Variants in GPR158 observed in about 807,000 individuals in gnomAD.
The protein encoded by GPR158 is G protein-coupled receptor 158.
A neutral mutation model predicts 78.2 loss-of-function variants in GPR158; 30 were observed. The ratio of observed to expected loss-of-function variants is 0.38; its 90% CI spans 0.29 to 0.52. The LOEUF (loss-of-function observed/expected upper bound fraction) is 0.52. Among genes scored for constraint, GPR158 ranks in the 20% least tolerant of loss-of-function variants. The probability of loss-of-function intolerance (pLI) is 0.83; values close to 1 mark genes in which losing one functional copy is unlikely to be tolerated. For synonymous variants in GPR158, 581 were observed against 591.1 expected, an observed-to-expected ratio of 0.98 and a Z score of 0.25; for missense variants, 1,463 against 1,523.5, an observed-to-expected ratio of 0.96 and a Z score of 0.66.
At chr10:25,484,770 A>G (rs1405023992) in intron 5 of GPR158, among the ~76,000 whole-genome samples, 1 of 152,154 alleles carries the variant, frequency 6.6e-6, no homozygotes, top group Admixed American at 6.6e-5. Context: ...CTCTTCCAGT[A>G]GTTACTGTTT....
chr10:25,380,179 A>G (rs989491773), intron 2 of GPR158, among the ~76,000 whole-genome samples: 1 of 152,064 alleles, frequency 6.6e-6, no homozygotes, highest in East Asian at 1.9e-4. Context: ...ACAACCCACT[A>G]TCCAGCTTAA....
At chr10:25,427,360 G>A (rs1000927035) in intron 4 of GPR158, among the ~76,000 whole-genome samples, 3 of 151,982 alleles carry the variant, frequency 2.0e-5, no homozygotes, top group Non-Finnish European at 4.4e-5. Flanking sequence ...CCATTTTCAA[G>A]TTTGACCTCT....
intron 4 of GPR158, among the ~76,000 whole-genome samples, chr10:25,459,588 C>T (rs185930839): frequency 6.8e-4 from 103 of 152,222 alleles, no homozygotes; most frequent in Non-Finnish European, 1.1e-3. Flanking sequence ...AGTACTTAGT[C>T]CCCATAGAAT....
rs1308506968 is a variant in GPR158 at position 25,600,459 on chromosome 10, T to C, written c.*1185T>C. On this transcript the variant is annotated 3_prime_UTR_variant, in exon 11 of 11. Coordinates refer to ENST00000376351, the MANE Select transcript of GPR158 (RefSeq NM_020752.3). ...AAAAAAAAACACAGGTAGCTCCTGA[T>C]AGCACTTTCAAGGGATTATTTTTTT... The C allele has an allele frequency of 6.6e-6, 1 of 152,306 alleles. No homozygotes were observed. Among genetic ancestry groups the C allele is most frequent in the Non-Finnish European group, 1.5e-5 (1 of 68,032 alleles). The allele number at this position is 152,306 out of a possible 1,614,324, so 9.4% of individuals were successfully genotyped here. A position where few individuals can be genotyped will look rare whatever the true frequency, so the allele number is the denominator to read the frequency against.
chr10:25,403,031 T>G (rs1834467399), intron 3 of GPR158, among the ~76,000 whole-genome samples: 1 of 151,810 alleles, frequency 6.6e-6, no homozygotes, highest in Non-Finnish European at 1.5e-5. Context: ...GTTTATAGTT[T>G]GTAGGCAAAT....
At chr10:25,478,606 A>C (rs1835621592) in intron 5 of GPR158, among the ~76,000 whole-genome samples, 1 of 151,980 alleles carries the variant, frequency 6.6e-6, no homozygotes, top group Non-Finnish European at 1.5e-5. Context: ...GATCTTTATC[A>C]GTTTAACAAA....
chr10:25,258,816 A>G (rs554178769), intron 2 of GPR158, among the ~76,000 whole-genome samples: 4 of 152,324 alleles, frequency 2.6e-5, no homozygotes, highest in Admixed American at 6.5e-5. Context: ...TTCGATTCCC[A>G]AAAAGTTAAC....
chr10:25,175,978 G>C lies in GPR158; in HGVS notation c.558G>C (p.Pro186=). 1.2e-6 allele frequency: 2 copies of C among 1,613,290 alleles called. No homozygotes were observed. The highest frequency in any genetic ancestry group is 2.2e-5 in the South Asian group (2 of 91,056). Residue 186 remains proline, a synonymous_variant, in exon 1 of 11, where the codon CCG becomes CCC. Transcript: ENST00000376351. This position sits in a 1 kb window ranked among gnomAD's most constrained non-coding sequence, Gnocchi z 6.4. The part of the protein sequence containing the change: ...ITFSTDSLSA[P]APQVFLQATR... ...TCAGCACCGATTCGCTGTCCGCACC[G>C]GCCCCACAGGTCTTCCTCCAGGCCA...
rs764738505 is a variant in GPR158, at chr10:25,598,438, G to C, written c.2812G>C (p.Asp938His). ...TAAATCCCAGAAACCTTTGCCAAAA[G>C]ATAAAGAGACAAACAGAAATCACTC... ...RTKSQKPLPK[D>H]KETNRNHSNS... Residue 938 changes from aspartate to histidine, a missense_variant, in exon 11 of 11, where the codon GAT (aspartate) becomes CAT (histidine). Physicochemically the swap from Asp to His is moderately conservative, Grantham distance 81. Transcript: ENST00000376351. 2.5e-6 allele frequency: 4 copies of C among 1,614,092 alleles called. No individual in the cohort carries two copies. The highest frequency in any genetic ancestry group is 3.4e-6 in the Non-Finnish European group (4 of 1,180,016).
Position 25,176,218 on chromosome 10 carries a change from T to C in GPR158, c.798T>C (p.Ser266=), listed in dbSNP as rs1852530398. The change falls in exon 1 of 11, where the codon TCT becomes TCC. Residue 266 remains serine, a synonymous_variant. Coordinates refer to ENST00000376351, the MANE Select transcript of GPR158 (RefSeq NM_020752.3). This position sits in a 1 kb window ranked among gnomAD's most constrained non-coding sequence, Gnocchi z 6.3. The stretch of plus-strand genomic sequence containing the variant: ...GGGACAAGAGCCACTTCAAGTGGTC[T>C]CCGCCTTATCTGGAGTGCGAGAACG... The part of the protein sequence containing the change: ...LGGDKSHFKW[S]PPYLECENGS... 6.3e-7 allele frequency: 1 copy of C among 1,597,614 alleles called. No individual in the cohort carries two copies.
intron 5 of GPR158, among the ~76,000 whole-genome samples, chr10:25,508,046 TC>T (rs1286638462): frequency 6.6e-6 from 1 of 152,230 alleles, no homozygotes; most frequent in East Asian, 1.9e-4. Context: ...CCACCTGAAT[TC>T]CCATATCAGT....
At chr10:25,426,107 A>G (rs1415925981) in intron 4 of GPR158, among the ~76,000 whole-genome samples, 2 of 152,152 alleles carry the variant, frequency 1.3e-5, no homozygotes, top group Non-Finnish European at 2.9e-5. Context: ...TTAGCAAGTC[A>G]TGGAATCTCT....
intron 2 of GPR158, among the ~76,000 whole-genome samples, chr10:25,383,320 C>T (rs1308506524): frequency 6.6e-6 from 1 of 152,136 alleles, no homozygotes; most frequent in Non-Finnish European, 1.5e-5. Context: ...TTGAATAAGG[C>T]TCAGTAATCA....
chr10:25,288,040 T>G (rs1201072988), intron 2 of GPR158, among the ~76,000 whole-genome samples: 1 of 150,512 alleles, frequency 6.6e-6, no homozygotes, highest in African/African-American at 2.5e-5. Flanking sequence ...TTTCCATTAC[T>G]GAAAGTTAGG....
intron 5 of GPR158, among the ~76,000 whole-genome samples, chr10:25,514,050 C>G (rs942863019): frequency 6.6e-6 from 1 of 152,006 alleles, no homozygotes; most frequent in African/African-American, 2.4e-5. Flanking sequence ...TTCTAAGGTA[C>G]GTTTAAATCC....
intron 2 of GPR158, among the ~76,000 whole-genome samples, chr10:25,395,688 T>A (rs1180614558): frequency 6.6e-6 from 1 of 152,204 alleles, no homozygotes; most frequent in Non-Finnish European, 1.5e-5. Flanking sequence ...TAAAGATGTG[T>A]GCAACTGCAG....
Position 25,201,841 on chromosome 10 carries a change from A to G in GPR158, c.903-19211A>G, listed in dbSNP as rs1247140903. Among the ~76,000 whole-genome samples the G allele has an allele frequency of 2.6e-5, 4 of 152,020 alleles. No homozygotes were observed. The South Asian group carries it at 8.3e-4, about 31-fold the overall frequency. On this transcript the variant is annotated intron_variant, in intron 1 of 10. Coordinates refer to ENST00000376351, the MANE Select transcript of GPR158 (RefSeq NM_020752.3). ...GAGAAAGCCTCCTTGATCATGATAG[A>G]TGAGCTTCTTGATATGCTGCTGGAT... is the stretch of plus-strand genomic sequence containing the variant.
At chr10:25,447,851 A>G (rs879595272) in intron 4 of GPR158, among the ~76,000 whole-genome samples, 4 of 90,756 alleles carry the variant, frequency 4.4e-5, no homozygotes, top group Non-Finnish European at 6.7e-5. Context: ...CAATGCAGTC[A>G]GTTTAATAAA....
chr10:25,445,843 A>G (rs1393882945), intron 4 of GPR158, among the ~76,000 whole-genome samples: 1 of 152,182 alleles, frequency 6.6e-6, no homozygotes, highest in Non-Finnish European at 1.5e-5. Context: ...TTGCAAAGCC[A>G]TTAACAAAGA....
Sources: gnomAD v4.1 joint callset for allele counts (sites outside exome capture counted in the v4.1 genomes callset) on GRCh38, gnomAD v4.1.1 for gene constraint, Gnocchi (gnomAD v3.1) non-coding constraint, MANE v1.5 for transcripts, NCBI Gene and HGNC (gene_info 2026-07-23, HGNC 2026-07-21) for gene names.